The following KIAA1217 variants were observed in gnomAD, a reference collection of about 807,000 sequenced individuals.
KIAA1217 encodes the protein KIAA1217, also known as sickle tail protein homolog.
KIAA1217 carries 88 observed loss-of-function variants against 163.9 expected under a neutral mutation model. That is an observed-to-expected ratio of 0.54 (90% CI 0.45 to 0.64). The LOEUF is 0.64. Among genes scored for constraint, KIAA1217 ranks in the 30% least tolerant of loss-of-function variants. The pLI is 0.00. For missense variants in KIAA1217, 2,372 were observed against 2,475.0 expected (o/e 0.96, Z 0.88); for synonymous variants, 903 against 923.1 (o/e 0.98, Z 0.39).
chr10:23,907,292 T>TGTGTGTGTGTGTGTGTG (rs1554822036), intron 1 of KIAA1217, among the ~76,000 whole-genome samples: 6 of 145,860 alleles, frequency 4.1e-5, no homozygotes, highest in East Asian at 4.0e-4. Flanking sequence ...CCAATATGAT[T>TGTGTGTGTGTGTGTGTG]TGTGTGTGTG....
intron 2 of KIAA1217, among the ~76,000 whole-genome samples, chr10:24,356,839 A>G (rs2049176052): frequency 6.6e-6 from 1 of 152,252 alleles, no homozygotes; most frequent in African/African-American, 2.4e-5. Context: ...TTTATAAATT[A>G]CCCAGACTGT....
intron 2 of KIAA1217, among the ~76,000 whole-genome samples, chr10:24,271,174 G>A (rs148732438): frequency 6.6e-6 from 1 of 152,030 alleles, no homozygotes; most frequent in Non-Finnish European, 1.5e-5. Flanking sequence ...ATTTTTCTAA[G>A]TGCCATTCAA....
At position 24,211,361 on chromosome 10, in the gene KIAA1217, C is replaced by CTCTTTTTTT; in HGVS notation, c.70+2099_70+2100insCTTTTTTTT. Reference sequence around the variant, plus strand: ...GGGAATCTCCTGGCAGGTGGGACTACTTTTTTTTTTTTTTTTTTTTTTTTT... The same window carrying CTCTTTTTTT: ...GGGAATCTCCTGGCAGGTGGGACTACTCTTTTTTTTTTTTTTTTTTTTTTTTTTTTTTTT... On this transcript the variant is annotated intron_variant, in intron 1 of 20. Coordinates refer to ENST00000376454, the MANE Select transcript of KIAA1217 (RefSeq NM_019590.5). Among the ~76,000 whole-genome samples, 2 of 60,208 alleles carry CTCTTTTTTT rather than the reference C, an allele frequency of 3.3e-5. 1 individual carries two copies. Among genetic ancestry groups the CTCTTTTTTT allele is most frequent in the African/African-American group, 1.3e-4 (2 of 15,332 alleles). The allele number at this position is 60,208 out of a possible 152,430, so 39.5% of individuals were successfully genotyped here.
At chr10:23,745,830 G>A (rs1033402184) in intron 1 of KIAA1217, among the ~76,000 whole-genome samples, 2 of 152,164 alleles carry the variant, frequency 1.3e-5, no homozygotes, top group Admixed American at 6.5e-5. Context: ...AGCAGTGGGT[G>A]CAAATACAAT....
At chr10:24,359,880 G>A (rs893145505) in intron 2 of KIAA1217, among the ~76,000 whole-genome samples, 5 of 151,882 alleles carry the variant, frequency 3.3e-5, no homozygotes, top group Admixed American at 6.6e-5. Flanking sequence ...ACAAGGCTAC[G>A]TAATTTTATT....
chr10:24,328,784 C>T (rs1291421674), intron 2 of KIAA1217, among the ~76,000 whole-genome samples: 3 of 151,782 alleles, frequency 2.0e-5, no homozygotes, highest in Non-Finnish European at 1.5e-5. Flanking sequence ...TGATTCTATG[C>T]ACTGAGCTGA....
intron 3 of KIAA1217, among the ~76,000 whole-genome samples, chr10:24,426,375 A>C (rs1025765011): frequency 2.6e-5 from 4 of 152,150 alleles, no homozygotes; most frequent in African/African-American, 9.7e-5. Flanking sequence ...TAATCCTAGC[A>C]CTGTGGGAGG....
intron 1 of KIAA1217, among the ~76,000 whole-genome samples, chr10:23,996,338 G>T (rs1846481206): frequency 6.6e-6 from 1 of 152,316 alleles, no homozygotes; most frequent in South Asian, 2.1e-4. Flanking sequence ...TGCATTTGGG[G>T]ACCATAACCG....
intron 1 of KIAA1217, among the ~76,000 whole-genome samples, chr10:23,860,463 A>G (rs1046106905): frequency 6.6e-6 from 1 of 152,148 alleles, no homozygotes; most frequent in South Asian, 2.1e-4. Flanking sequence ...AAGGTATATA[A>G]TTTAATGACA....
intron 1 of KIAA1217, among the ~76,000 whole-genome samples, chr10:23,734,051 G>A (rs1201875782): frequency 1.3e-5 from 2 of 151,830 alleles, no homozygotes; most frequent in East Asian, 3.9e-4. Context: ...CATTGATGTA[G>A]ACATGTGAAT....
intron 2 of KIAA1217, among the ~76,000 whole-genome samples, chr10:24,175,891 C>T (rs754270602): frequency 4.6e-5 from 7 of 152,112 alleles, no homozygotes; most frequent in Non-Finnish European, 1.0e-4. Context: ...CTGCAGACCT[C>T]CACCATGAGT....
chr10:23,712,631 A>G (rs1013759291), intron 1 of KIAA1217, among the ~76,000 whole-genome samples: 4 of 152,120 alleles, frequency 2.6e-5, no homozygotes, highest in Admixed American at 2.0e-4. Context: ...TTTAAGCCAA[A>G]TTAATATTCA....
intron 2 of KIAA1217, among the ~76,000 whole-genome samples, chr10:24,058,478 G>T (rs1373498330): frequency 1.3e-5 from 2 of 151,988 alleles, no homozygotes; most frequent in Non-Finnish European, 2.9e-5. Flanking sequence ...GTAGATTACT[G>T]GGCAGTATGA....
intron 1 of KIAA1217, among the ~76,000 whole-genome samples, chr10:23,780,218 C>A (rs1835194176): frequency 6.6e-6 from 1 of 152,178 alleles, no homozygotes; most frequent in South Asian, 2.1e-4. Flanking sequence ...ATGGTGAGTA[C>A]AGTTGCACAA....
In KIAA1217 at chr10:24,527,986, T is replaced by C. The variant is rs2072463863; in HGVS notation, c.2949T>C (p.Asn983=). 1 of 1,614,080 alleles carries C rather than the reference T, an allele frequency of 6.2e-7. No homozygotes were observed. Among genetic ancestry groups the C allele is most frequent in the Non-Finnish European group, 8.5e-7 (1 of 1,180,002 alleles). The change falls in exon 14 of 21, where the codon AAT becomes AAC. Residue 983 remains asparagine, a synonymous_variant. Transcript: ENST00000376454. ...EEKRQNLDHY[N]GKEFEKLLEE... ...AAAGGCAAAATCTGGATCACTATAA[T>C]GGGAAAGAGTTTGAGAAGCTCCTAG...
chr10:23,902,460 C>G (rs1407128968), intron 1 of KIAA1217, among the ~76,000 whole-genome samples: 1 of 152,016 alleles, frequency 6.6e-6, no homozygotes, highest in Non-Finnish European at 1.5e-5. Context: ...AAACAGCATT[C>G]AAAGTATCTC....
chr10:23,755,370 T>A (rs2130843956), intron 1 of KIAA1217, among the ~76,000 whole-genome samples: 1 of 152,328 alleles, frequency 6.6e-6, no homozygotes, highest in Admixed American at 6.5e-5. Context: ...TCTGGTTTAG[T>A]CTCAACTCAG....
chr10:24,218,944 C>T (rs2069209323), intron 1 of KIAA1217, among the ~76,000 whole-genome samples: 1 of 151,958 alleles, frequency 6.6e-6, no homozygotes. Context: ...TTTCAGAAAC[C>T]CGACTGAGCT....
chr10:24,368,909 T>C (rs891122967), intron 2 of KIAA1217: 2 of 925,348 alleles, frequency 2.2e-6, no homozygotes, highest in African/African-American at 1.8e-5. Context: ...GCAACATTTT[T>C]CCAATTACTT....
Sources: allele counts gnomAD v4.1 joint callset (sites outside exome capture counted in the v4.1 genomes callset), GRCh38; gene constraint gnomAD v4.1.1; transcripts MANE v1.5; gene names NCBI Gene and HGNC (gene_info 2026-07-23, HGNC 2026-07-21).